The following KATNIP variants were observed in gnomAD, a reference collection of about 807,000 sequenced individuals.
KATNIP encodes katanin interacting protein, also known as katanin-interacting protein.
KATNIP carries 126 observed loss-of-function variants against 174.0 expected under a neutral mutation model. That is an observed-to-expected ratio of 0.72 (90% CI 0.63 to 0.84). The LOEUF (loss-of-function observed/expected upper bound fraction) is 0.84, where lower values mean the gene tolerates loss of function less well. KATNIP is among the 40% of genes least tolerant of loss of function. The probability of loss-of-function intolerance (pLI) is 0.00; values close to 1 mark genes in which losing one functional copy is unlikely to be tolerated. For missense variants in KATNIP, 1,958 were observed against 2,109.7 expected, an observed-to-expected ratio of 0.93 and a Z score of 1.41; for synonymous variants, 810 against 835.7, an observed-to-expected ratio of 0.97 and a Z score of 0.53.
intron 2 of KATNIP, among the ~76,000 whole-genome samples, chr16:27,610,014 G>A (rs1436712652): frequency 3.3e-5 from 5 of 152,192 alleles, no homozygotes; most frequent in African/African-American, 7.2e-5. Context: ...TGAGGACACT[G>A]GAGTGAGGAG....
intron 14 of KATNIP, among the ~76,000 whole-genome samples, chr16:27,732,349 CT>C (rs2080726218): frequency 6.6e-6 from 1 of 152,210 alleles, no homozygotes; most frequent in Admixed American, 6.5e-5. Flanking sequence ...GTTCATTGGC[CT>C]TCCTCCCAAG....
intron 5 of KATNIP, among the ~76,000 whole-genome samples, chr16:27,647,797 G>T (rs1308785416): frequency 2.0e-5 from 3 of 152,086 alleles, no homozygotes; most frequent in Admixed American, 6.5e-5. Flanking sequence ...GAGGCACCAT[G>T]CCCCGCCACC....
rs755873176 is a variant in KATNIP, at chr16:27,777,065, A to T, written c.4551+36A>T. Reference sequence around the variant, plus strand: ...ATTAGCTGAGTTTTTTGAGATAATTATGCTCGTTGGTAATTAGGCCGCCGG... The same window carrying T: ...ATTAGCTGAGTTTTTTGAGATAATTTTGCTCGTTGGTAATTAGGCCGCCGG... On this transcript the variant is annotated intron_variant, in intron 25 of 27. Coordinates refer to ENST00000261588, the MANE Select transcript of KATNIP (RefSeq NM_015202.5). This position sits in a 1 kb window ranked among gnomAD's most constrained non-coding sequence, Gnocchi z 4.4. 3.7e-6 allele frequency: 5 copies of T among 1,365,498 alleles called. No individual in the cohort carries two copies. The highest frequency in any genetic ancestry group is 5.2e-6 in the Non-Finnish European group (5 of 957,682). 84.6% of individuals were successfully genotyped at this position (1,365,498 alleles called of 1,614,324 possible). A position where few individuals can be genotyped will look rare whatever the true frequency, so the allele number is the denominator to read the frequency against.
chr16:27,751,793 G>T lies in KATNIP; in HGVS notation c.3421G>T (p.Glu1141Ter), dbSNP rs2081528432. 6 of 1,614,242 alleles carry T rather than the reference G, an allele frequency of 3.7e-6. No homozygotes were observed. The highest frequency in any genetic ancestry group is 5.1e-6 in the Non-Finnish European group (6 of 1,180,052). Residue 1141 changes from glutamate to a stop codon, truncating the protein, a stop_gained, in exon 17 of 28, where the codon GAG becomes TAG. Coordinates refer to ENST00000261588, the MANE Select transcript of KATNIP (RefSeq NM_015202.5). LOFTEE classifies it high-confidence loss of function. ...TCTCGAGGCCATATTCTATTCTGAT[G>T]AGATGTTTGACCTGGATGTGGGGAG... ...DILEAIFYSD[E>*]MFDLDVGSLD...
chr16:27,677,779 G>T lies in KATNIP; in HGVS notation c.591G>T (p.Lys197Asn). The stretch of plus-strand genomic sequence containing the variant: ...GTGTAAATCTACAAAGGAAACAAAA[G>T]GATTGTTCCAGCGATGAGTATGACT... ...ELSVNLQRKQ[K>N]DCSSDEYDSI... The change falls in exon 7 of 28, where the codon AAG becomes AAT. Residue 197 changes from lysine to asparagine, a missense_variant. Physicochemically the swap from Lys to Asn is moderately conservative, Grantham distance 94. This residue lies in a region of KATNIP where 1,557 missense variants were observed against 1,617.8 expected (regional missense o/e 0.96). Coordinates refer to ENST00000261588, the MANE Select transcript of KATNIP (RefSeq NM_015202.5). 1 of 1,614,092 alleles carries T rather than the reference G, an allele frequency of 6.2e-7. No homozygotes were observed. The highest frequency in any genetic ancestry group is 8.5e-7 in the Non-Finnish European group (1 of 1,179,918).
chr16:27,662,051 T>TATATATATATATATACACATAC (rs2077536052), intron 6 of KATNIP, among the ~76,000 whole-genome samples: 1 of 80,326 alleles, frequency 1.2e-5, no homozygotes, highest in Non-Finnish European at 2.3e-5. Context: ...TACACATACA[T>TATATATATATATATACACATAC]ATATATATAT....
At chr16:27,713,365 G>C (rs2079670593) in intron 13 of KATNIP, among the ~76,000 whole-genome samples, 1 of 152,042 alleles carries the variant, frequency 6.6e-6, no homozygotes, top group Non-Finnish European at 1.5e-5. Flanking sequence ...CGGTTTGACT[G>C]TGTCCCCACC....
At chr16:27,769,826 C>A in intron 20 of KATNIP, 35 bp from the exon 21 acceptor site, 1 of 1,604,990 alleles carries the variant, frequency 6.2e-7, no homozygotes, top group Non-Finnish European at 8.5e-7. Flanking sequence ...CATGGCCTGC[C>A]TCCCTTCAGT....
intron 6 of KATNIP, among the ~76,000 whole-genome samples, chr16:27,656,799 A>AG: frequency 1.1e-5 from 1 of 92,702 alleles, no homozygotes; most frequent in Non-Finnish European, 2.1e-5. Flanking sequence ...TGGGGAGGGG[A>AG]GGGGGGAGGG....
intron 1 of KATNIP, among the ~76,000 whole-genome samples, chr16:27,559,794 AAC>A: frequency 6.6e-6 from 1 of 151,678 alleles, no homozygotes; most frequent in East Asian, 2.0e-4. Flanking sequence ...CAGCCTGGCC[AAC>A]ATGGTGAAAC....
chr16:27,666,624 A>C (rs1430156961), intron 6 of KATNIP, among the ~76,000 whole-genome samples: 1 of 152,022 alleles, frequency 6.6e-6, no homozygotes, highest in East Asian at 1.9e-4. Flanking sequence ...CACCATGTTG[A>C]CCAGGCTGGT....
Position 27,572,612 on chromosome 16 carries a change from G to A in KATNIP, c.8-1289G>A, listed in dbSNP as rs946684383. ...ACTGGGATTCTGATTGGCTGCAGTTGGGTCAGAGGTCCATCCATAGCACAG... is the reference window on the plus strand; with the variant it reads ...ACTGGGATTCTGATTGGCTGCAGTTAGGTCAGAGGTCCATCCATAGCACAG... On this transcript the variant is annotated intron_variant, in intron 1 of 27. Transcript: ENST00000261588. Among the ~76,000 whole-genome samples the A allele has an allele frequency of 6.6e-5, 10 of 152,074 alleles. No homozygotes were observed. In the South Asian group the frequency reaches 1.5e-3, roughly 22 times the overall value.
chr16:27,579,276 T>G (rs2090606173), intron 2 of KATNIP, among the ~76,000 whole-genome samples: 1 of 143,948 alleles, frequency 6.9e-6, no homozygotes, highest in African/African-American at 2.4e-5. Flanking sequence ...CTGTTGACTC[T>G]GTGAATTAAT....
chr16:27,581,955 A>G lies in KATNIP; in HGVS notation c.63+7999A>G, dbSNP rs148968470. 5.3e-5 allele frequency among the ~76,000 whole-genome samples: 8 copies of G among 152,276 alleles called. No individual in the cohort carries two copies. The East Asian group carries it at 1.5e-3, about 29-fold the overall frequency. ...TTTTATGGCTGAGTAGTATTCCATCATATATACATACCACAGTTTCTTTAC... is the reference window on the plus strand; with the variant it reads ...TTTTATGGCTGAGTAGTATTCCATCGTATATACATACCACAGTTTCTTTAC... On this transcript the variant is annotated intron_variant, in intron 2 of 27. Coordinates refer to ENST00000261588, the MANE Select transcript of KATNIP (RefSeq NM_015202.5).
intron 6 of KATNIP, chr16:27,660,055 C>G: frequency 3.1e-6 from 3 of 961,588 alleles, no homozygotes; most frequent in Non-Finnish European, 3.7e-6. Context: ...GGAGAAATAC[C>G]AAGTGACAGA....
At chr16:27,588,793 A>G (rs2090999475) in intron 2 of KATNIP, among the ~76,000 whole-genome samples, 1 of 151,624 alleles carries the variant, frequency 6.6e-6, no homozygotes, top group Non-Finnish European at 1.5e-5. Context: ...TTTACCCTCA[A>G]TCTCATTCCC....
chr16:27,774,894 G>A (rs748300078), intron 23 of KATNIP, 51 bp from the exon 24 acceptor site: 5 of 1,609,880 alleles, frequency 3.1e-6, no homozygotes, highest in Admixed American at 3.4e-5. Flanking sequence ...AGGGTGGCTG[G>A]CAGCCCCGAG....
intron 15 of KATNIP, among the ~76,000 whole-genome samples, chr16:27,748,711 G>A (rs2081381186): frequency 6.6e-6 from 1 of 152,044 alleles, no homozygotes; most frequent in Admixed American, 6.5e-5. Flanking sequence ...TTGAGGCCAG[G>A]AGGTCAAGGT....
Position 27,761,381 on chromosome 16 carries a change from G to A in KATNIP, c.3632-32G>A, listed in dbSNP as rs201720179. On this transcript the variant is annotated intron_variant, in intron 18 of 27. Transcript: ENST00000261588. The stretch of plus-strand genomic sequence containing the variant: ...TTAGATGCCTCCTCTGGAGCCTCTG[G>A]TGCTAATGGGCCACTTCTCTTCCTG... 326 of 1,581,804 alleles carry A rather than the reference G, an allele frequency of 2.1e-4. 2 individuals are homozygous for A. The African/African-American group carries it at 4.3e-3, about 21-fold the overall frequency.
Sources: allele counts gnomAD v4.1 joint callset (sites outside exome capture counted in the v4.1 genomes callset), GRCh38; gene constraint gnomAD v4.1.1; regional missense constraint gnomAD v4.1.1; non-coding constraint Gnocchi (gnomAD v3.1); transcripts MANE v1.5; gene names NCBI Gene and HGNC (gene_info 2026-07-23, HGNC 2026-07-21).